Variants in RCL1 observed in about 807,000 individuals in gnomAD.
RCL1 encodes RNA terminal phosphate cyclase like 1.
A neutral mutation model predicts 42.4 loss-of-function variants in RCL1; 24 were observed. That is an observed-to-expected ratio of 0.57 (90% CI 0.41 to 0.80). The LOEUF is 0.80. RCL1 is among the 30% of genes least tolerant of loss of function. The pLI is 0.00. For missense variants in RCL1, 578 were observed against 467.9 expected (o/e 1.24, Z -2.17); for synonymous variants, 228 against 177.3 (o/e 1.29, Z -2.27).
chr9:4,806,587 TACACACACACACACACACACAC>T (rs71326137), intron 1 of RCL1, among the ~76,000 whole-genome samples: 9 of 135,682 alleles, frequency 6.6e-5, no homozygotes, highest in East Asian at 2.1e-4. Flanking sequence ...CTACTTGATC[TACACACACACACACACACACAC>T]ACACACACAC....
chr9:4,801,503 T>A (rs1400766074), intron 1 of RCL1, among the ~76,000 whole-genome samples: 1 of 152,216 alleles, frequency 6.6e-6, no homozygotes, highest in Non-Finnish European at 1.5e-5. Context: ...TTGAGACTAC[T>A]TTATATATGC....
In RCL1 at chr9:4,792,978, G is replaced by T. The variant is rs1285809450; in HGVS notation, c.-114G>T. The T allele has an allele frequency of 2.4e-5, 30 of 1,267,810 alleles. No homozygotes were observed. The highest frequency in any genetic ancestry group is 3.1e-5 in the Non-Finnish European group (29 of 933,400). 78.5% of individuals were successfully genotyped at this position (1,267,810 alleles called of 1,614,324 possible). A position where few individuals can be genotyped will look rare whatever the true frequency, so the allele number is the denominator to read the frequency against. The stretch of plus-strand genomic sequence containing the variant: ...GGACGCGTCTGGGCTGCTGGAGGCA[G>T]CCCGAGCCGCCGCCGTCGGTGTCGC... On this transcript the variant is annotated 5_prime_UTR_variant, in exon 1 of 9. Coordinates refer to ENST00000381750, the MANE Select transcript of RCL1 (RefSeq NM_005772.5).
At chr9:4,799,384 T>A (rs776685479) in intron 1 of RCL1, among the ~76,000 whole-genome samples, 4 of 152,182 alleles carry the variant, frequency 2.6e-5, no homozygotes, top group Non-Finnish European at 5.9e-5. Flanking sequence ...TGCAGAAAGA[T>A]CCTGTCTGTA....
rs1376962588 is a variant in RCL1 at position 4,849,437 on chromosome 9, G to C, written c.868-10G>C. 2 of 1,600,030 alleles carry C rather than the reference G, an allele frequency of 1.2e-6. No homozygotes were observed. The highest frequency in any genetic ancestry group is 2.2e-5 in the East Asian group (1 of 44,710). ...TTCTGGTTTGTACAATTATTAATTT[G>C]TGTTTACAGGGTGGATGCGTAGACT... is the stretch of plus-strand genomic sequence containing the variant. On this transcript the variant is annotated splice_polypyrimidine_tract_variant and intron_variant, in intron 7 of 8. Coordinates refer to ENST00000381750, the MANE Select transcript of RCL1 (RefSeq NM_005772.5).
intron 7 of RCL1, among the ~76,000 whole-genome samples, chr9:4,845,439 CG>C (rs1817480345): frequency 6.6e-6 from 1 of 152,190 alleles, no homozygotes; most frequent in Non-Finnish European, 1.5e-5. Flanking sequence ...TTCATTGCAA[CG>C]GGCACATATG....
Position 4,841,267 on chromosome 9 carries a change from G to A in RCL1, c.620G>A (p.Arg207Gln), listed in dbSNP as rs768483324. 7 of 1,613,320 alleles carry A rather than the reference G, an allele frequency of 4.3e-6. No individual in the cohort carries two copies. The highest frequency in any genetic ancestry group is 2.2e-5 in the East Asian group (1 of 44,888). ...CGTGTGTCACCTCAGATGGCGAACC[G>A]GATTGTGGATTCTGCAAGGAGCATC... is the stretch of plus-strand genomic sequence containing the variant. Reference protein sequence around the residue: ...SVRVSPQMANRIVDSARSILN... With the variant: ...SVRVSPQMANQIVDSARSILN... The change falls in exon 6 of 9, where the codon CGG becomes CAG. Residue 207 changes from arginine (R) to glutamine (Q), a missense_variant. Transcript: ENST00000381750.
intron 1 of RCL1, among the ~76,000 whole-genome samples, chr9:4,801,262 C>T (rs1842995587): frequency 6.6e-6 from 1 of 152,144 alleles, no homozygotes; most frequent in Admixed American, 6.5e-5. Flanking sequence ...GCCTCAGCTT[C>T]CTGGGCGTAA....
chr9:4,829,176 A>C (rs1262940130), intron 3 of RCL1, among the ~76,000 whole-genome samples: 3 of 152,238 alleles, frequency 2.0e-5, no homozygotes, highest in Admixed American at 6.5e-5. Context: ...CAAAGTGCTT[A>C]GTGTTAGAGA....
At chr9:4,830,405 G>C (rs1030024181) in intron 3 of RCL1, among the ~76,000 whole-genome samples, 2 of 152,182 alleles carry the variant, frequency 1.3e-5, no homozygotes, top group Non-Finnish European at 2.9e-5. Context: ...GTCCAGAGGG[G>C]ATAAGGATTG....
rs16922116 is a variant in RCL1 at position 4,804,745 on chromosome 9, A to T, written c.136+11518A>T. The T allele has an allele frequency of 9.4e-3, 1,755 of 186,244 alleles. 34 individuals carry two copies. The highest frequency in any genetic ancestry group is 0.039 in the African/African-American group (1,637 of 41,900). The allele number at this position is 186,244 out of a possible 1,614,324, so 11.5% of individuals were successfully genotyped here. A position where few individuals can be genotyped will look rare whatever the true frequency, so the allele number is the denominator to read the frequency against. On this transcript the variant is annotated intron_variant, in intron 1 of 8. Transcript: ENST00000381750. ...GGACGATCGGCTGACGCCAGCGAGGACACGGTGGCGGCCACTGACTCCTGC... is the reference window on the plus strand; with the variant it reads ...GGACGATCGGCTGACGCCAGCGAGGTCACGGTGGCGGCCACTGACTCCTGC...
At chr9:4,813,932 G>A (rs145807580) in intron 1 of RCL1, among the ~76,000 whole-genome samples, 1,721 of 152,194 alleles carry the variant, frequency 0.011, 33 homozygotes, top group African/African-American at 0.039. Flanking sequence ...GCAAACTGTC[G>A]CAAGGACAGA....
chr9:4,801,366 C>T lies in RCL1; in HGVS notation c.136+8139C>T, dbSNP rs151068542. Among the ~76,000 whole-genome samples, 254 of 152,094 alleles carry T rather than the reference C, an allele frequency of 1.7e-3. 2 individuals are homozygous for T. The highest frequency in any genetic ancestry group is 5.7e-3 in the African/African-American group (238 of 41,504). On this transcript the variant is annotated intron_variant, in intron 1 of 8. Coordinates refer to ENST00000381750, the MANE Select transcript of RCL1 (RefSeq NM_005772.5). ...TTTTAACTTTTTGTAGAGATGGAGTCTCGCTATGTTGTCCAGGCTGGTCTT... is the reference window on the plus strand; with the variant it reads ...TTTTAACTTTTTGTAGAGATGGAGTTTCGCTATGTTGTCCAGGCTGGTCTT...
intron 6 of RCL1, among the ~76,000 whole-genome samples, chr9:4,842,863 C>T (rs566047963): frequency 4.6e-5 from 7 of 152,330 alleles, no homozygotes; most frequent in South Asian, 4.2e-4. Context: ...CTTTGCCTCT[C>T]GCTTTATCAG....
chr9:4,840,905 G>A (rs1229638037), intron 5 of RCL1, among the ~76,000 whole-genome samples: 4 of 152,170 alleles, frequency 2.6e-5, no homozygotes, highest in Admixed American at 2.0e-4. Context: ...ATCATGACCC[G>A]CAGAGAGGCA....
chr9:4,839,751 G>T (rs1486682543), intron 5 of RCL1: 7 of 972,074 alleles, frequency 7.2e-6, no homozygotes, highest in Non-Finnish European at 8.6e-6. Context: ...CAAAAGTGGT[G>T]TATTGGAGAG....
intron 1 of RCL1, among the ~76,000 whole-genome samples, chr9:4,816,105 A>G (rs555798533): frequency 1.3e-5 from 2 of 152,100 alleles, no homozygotes. Flanking sequence ...CTAGCTGGCC[A>G]TCTTGATCTG....
rs559848744 is a variant in RCL1, at chr9:4,825,012, A to C, written c.208+1393A>C. On this transcript the variant is annotated intron_variant, in intron 2 of 8. Transcript: ENST00000381750. Reference sequence around the variant, plus strand: ...TGGCGACTTCTGCCTCCCGGGTTCAAACGATTCTCCTGCCTTAGCCTCCCC... The same window carrying C: ...TGGCGACTTCTGCCTCCCGGGTTCACACGATTCTCCTGCCTTAGCCTCCCC... 2.6e-5 allele frequency among the ~76,000 whole-genome samples: 4 copies of C among 152,100 alleles called. No individual in the cohort carries two copies. In the South Asian group the frequency reaches 8.3e-4, roughly 32 times the overall value.
At position 4,848,482 on chromosome 9, in the gene RCL1, C is replaced by T. The variant is rs532474781; in HGVS notation, c.868-965C>T. On this transcript the variant is annotated intron_variant, in intron 7 of 8. Transcript: ENST00000381750. ...GGGGCAGTTGTAGCCATATGAACCA[C>T]ACTGCTGGCCACCTATCCTGTTCAG... 4.6e-5 allele frequency among the ~76,000 whole-genome samples: 7 copies of T among 152,348 alleles called. No individual in the cohort carries two copies. In the South Asian group the frequency reaches 1.2e-3, roughly 27 times the overall value.
At position 4,833,228 on chromosome 9, in the gene RCL1, G is replaced by C; in HGVS notation, c.459G>C (p.Lys153Asn). 1 of 1,608,632 alleles carries C rather than the reference G, an allele frequency of 6.2e-7. No homozygotes were observed. The highest frequency in any genetic ancestry group is 8.5e-7 in the Non-Finnish European group (1 of 1,174,966). The change falls in exon 4 of 9, where the codon AAG becomes AAC. Residue 153 changes from lysine to asparagine, a missense_variant and splice_region_variant. Coordinates refer to ENST00000381750, the MANE Select transcript of RCL1 (RefSeq NM_005772.5). Reference protein sequence around the residue: ...FGIDGESFELKIVRRGMPPGG... With the variant: ...FGIDGESFELNIVRRGMPPGG... ...TTGATGGTGAATCATTTGAACTGAAGGTAAGAATGTTTGAACTGTTGACCA... is the reference window on the plus strand; with the variant it reads ...TTGATGGTGAATCATTTGAACTGAACGTAAGAATGTTTGAACTGTTGACCA...
Sources: allele counts gnomAD v4.1 joint callset (sites outside exome capture counted in the v4.1 genomes callset), GRCh38; gene constraint gnomAD v4.1.1; transcripts MANE v1.5; gene names NCBI Gene and HGNC (gene_info 2026-07-23, HGNC 2026-07-21).